Variants in KDM4B observed in about 807,000 individuals in gnomAD.
KDM4B encodes lysine-specific demethylase 4B.
A neutral mutation model predicts 125.2 loss-of-function variants in KDM4B; 32 were observed. The observed-to-expected ratio is 0.26, with a 90% CI of 0.19 to 0.34. The LOEUF (loss-of-function observed/expected upper bound fraction) is 0.34, where lower values mean the gene tolerates loss of function less well. KDM4B is among the 10% of genes least tolerant of loss of function. The probability of loss-of-function intolerance (pLI) is 1.00; values close to 1 mark genes in which losing one functional copy is unlikely to be tolerated. For synonymous variants in KDM4B, 721 were observed against 677.9 expected, an observed-to-expected ratio of 1.06 and a Z score of -0.99; for missense variants, 1,190 against 1,577.7, an observed-to-expected ratio of 0.75 and a Z score of 4.16.
intron 10 of KDM4B, chr19:5,111,937 T>A: frequency 1.5e-6 from 1 of 688,386 alleles, no homozygotes; most frequent in South Asian, 1.5e-5. Flanking sequence ...ATACGATAAT[T>A]TTTCTGTTTT....
At chr19:5,040,110 C>T (rs2036759509) in intron 4 of KDM4B, 99 bp downstream of exon 4, 1 of 1,286,094 alleles carries the variant, frequency 7.8e-7, no homozygotes, top group East Asian at 2.5e-5. Context: ...ACGCAGCCCC[C>T]ACAGCATGGC....
In KDM4B at chr19:5,032,863, C is replaced by T. The variant is rs2036502501; in HGVS notation, c.-25-3C>T. On this transcript the variant is annotated splice_polypyrimidine_tract_variant and splice_region_variant and intron_variant, in intron 2 of 22. Coordinates refer to ENST00000159111, the MANE Select transcript of KDM4B (RefSeq NM_015015.3). ...GTTCACCCTCTCTCGTCTTCCTCCA[C>T]AGGTGTGCTTCCCGCACAGCTGCAG... The T allele has an allele frequency of 1.2e-5, 19 of 1,612,178 alleles. No homozygotes were observed. Among genetic ancestry groups the T allele is most frequent in the Non-Finnish European group, 1.6e-5 (19 of 1,178,960 alleles).
Position 5,002,576 on chromosome 19 carries a change from ACTC to A in KDM4B, c.-108-13678_-108-13676del, listed in dbSNP as rs577622938. On this transcript the variant is annotated intron_variant, in intron 1 of 22. Transcript: ENST00000159111. The stretch of plus-strand genomic sequence containing the variant: ...ACTATGTTGCCCACGCTGGTCTCAA[ACTC>A]CTGGGCTCAAGCAGTCTTCCTGCCT... Among the ~76,000 whole-genome samples, 732 of 149,612 alleles carry A rather than the reference ACTC, an allele frequency of 4.9e-3. 7 individuals are homozygous for A. The highest frequency in any genetic ancestry group is 0.017 in the African/African-American group (705 of 40,578).
In KDM4B at chr19:4,996,947, C is replaced by T. The variant is rs1040840423; in HGVS notation, c.-108-19310C>T. ...CCACCCACTGCATGCCAGGAGCACC[C>T]CCTAGTCGTGACAACCACAGACAGC... On this transcript the variant is annotated intron_variant, in intron 1 of 22. Transcript: ENST00000159111. Among the ~76,000 whole-genome samples, 5 of 152,286 alleles carry T rather than the reference C, an allele frequency of 3.3e-5. No homozygotes were observed. The East Asian group carries it at 9.7e-4, about 29-fold the overall frequency.
At chr19:4,998,864 C>T (rs2035281899) in intron 1 of KDM4B, among the ~76,000 whole-genome samples, 2 of 152,170 alleles carry the variant, frequency 1.3e-5, no homozygotes, top group African/African-American at 4.8e-5. Context: ...AGGCCACACA[C>T]TTTTGGCAGG....
chr19:5,110,688 C>T lies in KDM4B; in HGVS notation c.985C>T (p.Arg329Cys). The T allele has an allele frequency of 6.2e-7, 1 of 1,613,046 alleles. No homozygotes were observed. Among genetic ancestry groups the T allele is most frequent in the Non-Finnish European group, 8.5e-7 (1 of 1,179,908 alleles). ...GTTCGTGCGCATCCTGCAGCCCGAG[C>T]GCTACGAGCTGTGGAAGCAGGGCAA... is the stretch of plus-strand genomic sequence containing the variant. The part of the protein sequence containing the change: ...DVFVRILQPE[R>C]YELWKQGKDL... The change falls in exon 10 of 23, where the codon CGC (arginine) becomes TGC (cysteine). Residue 329 changes from arginine (R) to cysteine (C), a missense_variant. Around this residue, in one of 7 missense-constraint regions of KDM4B, gnomAD observed 428 missense variants for 405.1 expected, o/e 1.06. Transcript: ENST00000159111.
Position 5,114,114 on chromosome 19 carries a change from G to C in KDM4B, c.1115+3296G>C. ...ACTCCCGGTGGCGCTGTGCGTTCTGGTGCCCTGCCTGAGCCGGAGCCCTCA... is the reference window on the plus strand; with the variant it reads ...ACTCCCGGTGGCGCTGTGCGTTCTGCTGCCCTGCCTGAGCCGGAGCCCTCA... On this transcript the variant is annotated intron_variant, in intron 10 of 22. Coordinates refer to ENST00000159111, the MANE Select transcript of KDM4B (RefSeq NM_015015.3). This position sits in a 1 kb window ranked among gnomAD's most constrained non-coding sequence, Gnocchi z 5.8. 1 of 1,289,448 alleles carries C rather than the reference G, an allele frequency of 7.8e-7. No individual in the cohort carries two copies. The highest frequency in any genetic ancestry group is 1.0e-6 in the Non-Finnish European group (1 of 988,756). 79.9% of individuals were successfully genotyped at this position (1,289,448 alleles called of 1,614,324 possible).
At position 5,138,044 on chromosome 19, in the gene KDM4B, G is replaced by A. The variant is rs1023273242; in HGVS notation, c.2524G>A (p.Ala842Thr). The A allele has an allele frequency of 6.8e-6, 11 of 1,612,296 alleles. No homozygotes were observed. The highest frequency in any genetic ancestry group is 4.0e-5 in the African/African-American group (3 of 74,896). ...TGAGCGCCACCCTGTGGACATCAGC[G>A]CCATCCCCGAGCAGCGGTGGAAGCT... ...VIERHPVDIS[A>T]IPEQRWKLKC... The change falls in exon 18 of 23, where the codon GCC becomes ACC. Residue 842 changes from alanine to threonine, a missense_variant. Ala to Thr is a moderately conservative substitution (Grantham distance 58). This residue lies in a region of KDM4B where 298 missense variants were observed against 439.7 expected (regional missense o/e 0.68). Transcript: ENST00000159111.
intron 1 of KDM4B, among the ~76,000 whole-genome samples, chr19:4,995,339 G>T (rs1344164550): frequency 6.6e-6 from 1 of 151,782 alleles, no homozygotes; most frequent in African/African-American, 2.4e-5. Flanking sequence ...TTTTGAGATG[G>T]ATTCTTACTC....
intron 9 of KDM4B, among the ~76,000 whole-genome samples, chr19:5,099,525 C>A (rs1300824634): frequency 6.6e-6 from 1 of 152,174 alleles, no homozygotes; most frequent in East Asian, 1.9e-4. Flanking sequence ...AGAGGCCTTC[C>A]CAGAATGGGG....
At chr19:5,044,112 G>A (rs1464087461) in intron 5 of KDM4B, among the ~76,000 whole-genome samples, 1 of 73,880 alleles carries the variant, frequency 1.4e-5, no homozygotes, top group East Asian at 2.8e-4. Context: ...CTTATCCCGC[G>A]TGGTGTTTAT....
intron 1 of KDM4B, among the ~76,000 whole-genome samples, chr19:4,993,121 G>A (rs1037337540): frequency 6.6e-6 from 1 of 152,094 alleles, no homozygotes; most frequent in African/African-American, 2.4e-5. Flanking sequence ...TTGAAAGTGA[G>A]GGTATGAGCC....
At chr19:4,983,495 T>C (rs1489619785) in intron 1 of KDM4B, among the ~76,000 whole-genome samples, 1 of 152,246 alleles carries the variant, frequency 6.6e-6, no homozygotes, top group African/African-American at 2.4e-5. Context: ...CCCAGTGGGC[T>C]CTCGCCCACA....
intron 9 of KDM4B, among the ~76,000 whole-genome samples, chr19:5,092,773 G>T (rs2038737579): frequency 6.6e-6 from 1 of 152,170 alleles, no homozygotes; most frequent in Non-Finnish European, 1.5e-5. Flanking sequence ...GGCTCGCAGG[G>T]CCTGGCCCTG....
In KDM4B at chr19:5,039,887, G is replaced by C; in HGVS notation, c.193G>C (p.Asp65His). 6.2e-7 allele frequency: 1 copy of C among 1,612,994 alleles called. No homozygotes were observed. Among genetic ancestry groups the C allele is most frequent in the Non-Finnish European group, 8.5e-7 (1 of 1,179,924 alleles). ...GCGGCAGACGTATGATGACATCGAC[G>C]ACGTGGTGATCCCGGCGCCCATCCA... ...KPRQTYDDID[D>H]VVIPAPIQQV... Residue 65 changes from aspartate to histidine, a missense_variant, in exon 4 of 23, where the codon GAC becomes CAC. Physicochemically the swap from Asp to His is moderately conservative, Grantham distance 81 (BLOSUM62 -1). This residue lies in a region of KDM4B where 139 missense variants were observed against 248.3 expected (regional missense o/e 0.56). Coordinates refer to ENST00000159111, the MANE Select transcript of KDM4B (RefSeq NM_015015.3).
intron 9 of KDM4B, among the ~76,000 whole-genome samples, chr19:5,090,646 C>T (rs1268817199): frequency 2.5e-5 from 3 of 121,036 alleles, no homozygotes; most frequent in Admixed American, 8.1e-5. Context: ...CGCCCCCCTC[C>T]GGCCCCCCCT....
intron 6 of KDM4B, among the ~76,000 whole-genome samples, chr19:5,066,371 A>G (rs1335582910): frequency 2.0e-5 from 3 of 150,584 alleles, no homozygotes; most frequent in African/African-American, 7.4e-5. Flanking sequence ...TCTGGATCTC[A>G]TGTCCTTGTT....
At chr19:5,116,098 A>T (rs906219389) in intron 10 of KDM4B, among the ~76,000 whole-genome samples, 1 of 152,054 alleles carries the variant, frequency 6.6e-6, no homozygotes, top group African/African-American at 2.4e-5. Flanking sequence ...AACAGATCAC[A>T]TAAACAGCTC....
chr19:5,135,596 C>T, intron 15 of KDM4B, 35 bp downstream of exon 15: 1 of 1,529,442 alleles, frequency 6.5e-7, no homozygotes, highest in Non-Finnish European at 8.8e-7. Flanking sequence ...GGAGCTGCGC[C>T]CTCCTTCAGG....
Sources: allele counts gnomAD v4.1 joint callset (sites outside exome capture counted in the v4.1 genomes callset), GRCh38; gene constraint gnomAD v4.1.1; regional missense constraint gnomAD v4.1.1; non-coding constraint Gnocchi (gnomAD v3.1); transcripts MANE v1.5; gene names NCBI Gene and HGNC (gene_info 2026-07-23, HGNC 2026-07-21).